The following DNAI1 variants were observed in gnomAD, a reference collection of about 807,000 sequenced individuals.
DNAI1 encodes dynein axonemal intermediate chain 1.
DNAI1 carries 67 observed loss-of-function variants against 92.0 expected under a neutral mutation model. The observed-to-expected ratio is 0.73, with a 90% confidence interval of 0.60 to 0.89. The LOEUF (loss-of-function observed/expected upper bound fraction) is 0.89, where lower values mean the gene tolerates loss of function less well. Among genes scored for constraint, DNAI1 ranks in the 40% least tolerant of loss-of-function variants. The pLI is 0.00. For synonymous variants in DNAI1, 323 were observed against 319.6 expected (o/e 1.01, Z -0.11); for missense variants, 839 against 866.6 (o/e 0.97, Z 0.40).
chr9:34,461,059 T>C (rs749433091), intron 1 of DNAI1, among the ~76,000 whole-genome samples: 4 of 152,216 alleles, frequency 2.6e-5, no homozygotes, highest in African/African-American at 4.8e-5. Flanking sequence ...GCCACGATGG[T>C]CTTGGATCTC....
chr9:34,514,856 A>T, intron 18 of DNAI1, 117 bp downstream of exon 18: 2 of 1,133,832 alleles, frequency 1.8e-6, no homozygotes, highest in South Asian at 1.3e-5. Context: ...AAGGCGGGAC[A>T]TAAGGACTGT....
intron 1 of DNAI1, among the ~76,000 whole-genome samples, chr9:34,469,680 C>A (rs1186403324): frequency 6.6e-6 from 1 of 152,038 alleles, no homozygotes; most frequent in East Asian, 1.9e-4. Flanking sequence ...CAGGTTCAAG[C>A]AATTCTCTTG....
At chr9:34,489,938 C>T in intron 5 of DNAI1, 74 bp from the exon 6 acceptor site, 1 of 1,579,876 alleles carries the variant, frequency 6.3e-7, no homozygotes, top group Non-Finnish European at 8.6e-7. Context: ...CAGGCAGAAA[C>T]CAAGAAAGCC....
intron 19 of DNAI1, among the ~76,000 whole-genome samples, chr9:34,519,114 A>G (rs1222952664): frequency 2.6e-5 from 4 of 152,184 alleles, no homozygotes; most frequent in Non-Finnish European, 5.9e-5. Context: ...TGAGTGGATT[A>G]GAGGTTCCCG....
chr9:34,465,069 A>G (rs1210581009), intron 1 of DNAI1, among the ~76,000 whole-genome samples: 3 of 152,236 alleles, frequency 2.0e-5, no homozygotes, highest in Non-Finnish European at 4.4e-5. Flanking sequence ...CAATGAAGAT[A>G]AACACTAAGA....
At chr9:34,461,441 T>TCATCCCACCTCCTATGCCC (rs1823949958) in intron 1 of DNAI1, among the ~76,000 whole-genome samples, 1 of 152,218 alleles carries the variant, frequency 6.6e-6, no homozygotes, top group African/African-American at 2.4e-5. Flanking sequence ...TCCCTGTGCC[T>TCATCCCACCTCCTATGCCC]CATCCCACCT....
chr9:34,472,545 T>C (rs915762941), intron 1 of DNAI1, among the ~76,000 whole-genome samples: 3 of 152,226 alleles, frequency 2.0e-5, no homozygotes, highest in Non-Finnish European at 4.4e-5. Context: ...AAGAAAAATT[T>C]ATCATGTTGA....
Position 34,458,908 on chromosome 9 carries a change from G to A in DNAI1, c.-98G>A. ...AGAACCGTTGCGACTGGTAACTGAAGTGGAAGAGAGTCCAGATTTCTTGTG... is the reference window on the plus strand; with the variant it reads ...AGAACCGTTGCGACTGGTAACTGAAATGGAAGAGAGTCCAGATTTCTTGTG... On this transcript the variant is annotated 5_prime_UTR_variant, in exon 1 of 20. In the 5' UTR this introduces an upstream ATG that the reference lacks. Coordinates refer to ENST00000242317, the MANE Select transcript of DNAI1 (RefSeq NM_012144.4). The surrounding 1 kb of genome is among the most constrained non-coding windows in gnomAD (Gnocchi z 6.6). 1 of 1,084,628 alleles carries A rather than the reference G, an allele frequency of 9.2e-7. No homozygotes were observed. The allele number at this position is 1,084,628 out of a possible 1,614,324, so 67.2% of individuals were successfully genotyped here.
intron 15 of DNAI1, 73 bp downstream of exon 15, chr9:34,512,497 T>C: frequency 7.0e-7 from 1 of 1,429,424 alleles, no homozygotes; most frequent in Non-Finnish European, 9.8e-7. Flanking sequence ...GTGACAGTGG[T>C]CCTTCCCCTG....
intron 10 of DNAI1, 68 bp downstream of exon 10, chr9:34,497,267 TATTTGGGTGTCTCTTG>T: frequency 1.6e-6 from 2 of 1,253,656 alleles, no homozygotes; most frequent in Non-Finnish European, 2.3e-6. Flanking sequence ...AAGCTTGGGT[TATTTGGGTGTCTCTTG>T]CTAGCTCCTA....
intron 1 of DNAI1, among the ~76,000 whole-genome samples, chr9:34,460,481 G>C (rs2132036424): frequency 6.6e-6 from 1 of 152,182 alleles, no homozygotes; most frequent in Non-Finnish European, 1.5e-5. Context: ...CTTTTACCTG[G>C]GCTTCTGTAG....
At position 34,514,865 on chromosome 9, in the gene DNAI1, G is replaced by C. The variant is rs1191228677; in HGVS notation, c.1818+126G>C. On this transcript the variant is annotated intron_variant, in intron 18 of 19. Coordinates refer to ENST00000242317, the MANE Select transcript of DNAI1 (RefSeq NM_012144.4). The stretch of plus-strand genomic sequence containing the variant: ...AAGGAGAAGGCGGGACATAAGGACT[G>C]TGTATTTTCCAGGGGCAAGCCATCC... The C allele has an allele frequency of 3.7e-6, 4 of 1,077,338 alleles. No homozygotes were observed. In the East Asian group the frequency reaches 9.9e-5, roughly 27 times the overall value. The allele number at this position is 1,077,338 out of a possible 1,614,324, so 66.7% of individuals were successfully genotyped here.
At chr9:34,502,802 G>C (rs1054234532) in intron 12 of DNAI1, among the ~76,000 whole-genome samples, 1 of 152,090 alleles carries the variant, frequency 6.6e-6, no homozygotes, top group African/African-American at 2.4e-5. Context: ...GGGGGTGGGG[G>C]TGTCACTTTC....
chr9:34,477,167 C>T (rs950606100), intron 1 of DNAI1, among the ~76,000 whole-genome samples: 2 of 151,952 alleles, frequency 1.3e-5, no homozygotes, highest in Non-Finnish European at 2.9e-5. Flanking sequence ...AGGCACACAC[C>T]ACCACACCCA....
At chr9:34,511,720 T>G (rs984867074) in intron 13 of DNAI1, among the ~76,000 whole-genome samples, 2 of 152,198 alleles carry the variant, frequency 1.3e-5, no homozygotes, top group African/African-American at 4.8e-5. Context: ...GGAAACTGGT[T>G]GATGGGCCCT....
In DNAI1 at chr9:34,520,673, G is replaced by A. The variant is rs1239680276; in HGVS notation, c.2017G>A (p.Glu673Lys). The stretch of plus-strand genomic sequence containing the variant: ...CTCTCCCCAGGAAAAGAAGGGGCAG[G>A]AGGTGCAGAAGGGTCCAGCTGTGGA... Reference protein sequence around the residue: ...RKMPKEKKGQEVQKGPAVEIA... With the variant: ...RKMPKEKKGQKVQKGPAVEIA... The change falls in exon 20 of 20, where the codon GAG (glutamate) becomes AAG (lysine). Residue 673 changes from glutamate to lysine, a missense_variant. Physicochemically the swap from Glu to Lys is moderately conservative, Grantham distance 56. Transcript: ENST00000242317. 4 of 1,551,534 alleles carry A rather than the reference G, an allele frequency of 2.6e-6. No individual in the cohort carries two copies. Among genetic ancestry groups the A allele is most frequent in the Non-Finnish European group, 3.5e-6 (4 of 1,146,976 alleles).
Position 34,514,388 on chromosome 9 carries a change from G to A in DNAI1, c.1570-6G>A, listed in dbSNP as rs370622070. 47 of 1,613,610 alleles carry A rather than the reference G, an allele frequency of 2.9e-5. No homozygotes were observed. Among genetic ancestry groups the A allele is most frequent in the South Asian group, 1.6e-4 (15 of 91,058 alleles). On this transcript the variant is annotated splice_region_variant and splice_polypyrimidine_tract_variant and intron_variant, in intron 16 of 19. Transcript: ENST00000242317. ...CACTTCTGACCCCCGTTCCCTCCCC[G>A]ACCAGTGCTCTAAATCCTACTCCAG...
intron 1 of DNAI1, among the ~76,000 whole-genome samples, chr9:34,474,327 C>A (rs1321375980): frequency 6.6e-6 from 1 of 151,076 alleles, no homozygotes; most frequent in Admixed American, 6.6e-5. Context: ...CTCTACCTCC[C>A]GGGCTCAAGG....
At chr9:34,495,712 G>A (rs1310357105) in intron 9 of DNAI1, among the ~76,000 whole-genome samples, 2 of 152,142 alleles carry the variant, frequency 1.3e-5, no homozygotes, top group East Asian at 3.9e-4. Flanking sequence ...GACAGAGTTG[G>A]GCCCATAGGT....
Sources: allele counts gnomAD v4.1 joint callset (sites outside exome capture counted in the v4.1 genomes callset), GRCh38; gene constraint gnomAD v4.1.1; non-coding constraint Gnocchi (gnomAD v3.1); transcripts MANE v1.5; gene names NCBI Gene and HGNC (gene_info 2026-07-23, HGNC 2026-07-21).